The following MYO7B variants were observed in gnomAD, a reference collection of about 807,000 sequenced individuals.
MYO7B encodes the protein myosin VIIB, also known as unconventional myosin-VIIb.
Under a neutral mutation model 259.7 loss-of-function variants are expected in MYO7B, and 212 were observed. That is an observed-to-expected ratio of 0.82 (90% CI 0.73 to 0.91). The LOEUF (loss-of-function observed/expected upper bound fraction) is 0.91, where lower values mean the gene tolerates loss of function less well. MYO7B is among the 40% of genes least tolerant of loss of function. The probability of loss-of-function intolerance (pLI) is 0.00; values close to 1 mark genes in which losing one functional copy is unlikely to be tolerated. For missense variants in MYO7B, 2,732 were observed against 2,813.5 expected, an observed-to-expected ratio of 0.97 and a Z score of 0.66; for synonymous variants, 1,197 against 1,166.4, an observed-to-expected ratio of 1.03 and a Z score of -0.54.
intron 5 of MYO7B, among the ~76,000 whole-genome samples, chr2:127,568,699 C>A (rs1338634306): frequency 6.6e-6 from 1 of 151,984 alleles, no homozygotes; most frequent in Admixed American, 6.5e-5. Flanking sequence ...GAGTTCAAGA[C>A]CAGCCTGGCC....
At chr2:127,608,186 A>G (rs1020762655) in intron 21 of MYO7B, among the ~76,000 whole-genome samples, 2 of 152,244 alleles carry the variant, frequency 1.3e-5, no homozygotes, top group African/African-American at 4.8e-5. Flanking sequence ...AACTTGGTCT[A>G]CTAAGCACAC....
chr2:127,562,688 A>G (rs2104857484), intron 2 of MYO7B, among the ~76,000 whole-genome samples: 1 of 151,748 alleles, frequency 6.6e-6, no homozygotes, highest in Middle Eastern at 3.4e-3. Context: ...GGGTTTCACT[A>G]TGTTGGCCAG....
Position 127,608,696 on chromosome 2 carries a change from C to G in MYO7B, c.2644-12C>G, listed in dbSNP as rs753360312. On this transcript the variant is annotated splice_polypyrimidine_tract_variant and intron_variant, in intron 21 of 47. Coordinates refer to ENST00000409816, the MANE Select transcript of MYO7B (RefSeq NM_001393586.1). ...TGGGCCCCTGGGTAACCTTCCTCCA[C>G]GGGGTATGCAGGCGCCGCTGGTCAT... The G allele has an allele frequency of 6.2e-7, 1 of 1,604,378 alleles. No homozygotes were observed. Among genetic ancestry groups the G allele is most frequent in the African/African-American group, 1.3e-5 (1 of 74,772 alleles).
chr2:127,578,375 A>G (rs1206490401), intron 9 of MYO7B, 89 bp downstream of exon 9: 4 of 1,527,264 alleles, frequency 2.6e-6, no homozygotes, highest in Non-Finnish European at 3.6e-6. Context: ...TTCTCACAGG[A>G]AGGATCCTGT....
At chr2:127,626,048 C>T (rs1681092849) in intron 31 of MYO7B, 1 of 152,856 alleles carries the variant, frequency 6.5e-6, no homozygotes, top group Non-Finnish European at 1.5e-5. Context: ...TGAATAGTAC[C>T]CAGCCACTTT....
chr2:127,633,063 GCAC>G (rs1341805536), intron 39 of MYO7B, among the ~76,000 whole-genome samples, 192 bp from the exon 40 acceptor site: 1 of 152,254 alleles, frequency 6.6e-6, no homozygotes, highest in Non-Finnish European at 1.5e-5. Context: ...AGGCACAGCT[GCAC>G]CATCACTACC....
At chr2:127,538,795 C>A (rs1283720671) in intron 1 of MYO7B, among the ~76,000 whole-genome samples, 1 of 152,038 alleles carries the variant, frequency 6.6e-6, no homozygotes, top group African/African-American at 2.4e-5. Context: ...GAAATCCTGA[C>A]CTCATGTGAT....
In MYO7B at chr2:127,592,859, C is replaced by CCGCA; in HGVS notation, c.2059_2062dup (p.Lys688ThrfsTer43). ...CGGGCATGATGGAGACCGTGCACAT[C>CCGCA]CGCAAGTCGGGCTTCCCCATCCGCT... On this transcript the variant is annotated frameshift_variant, in exon 17 of 48. Coordinates refer to ENST00000409816, the MANE Select transcript of MYO7B (RefSeq NM_001393586.1). LOFTEE classifies it high-confidence loss of function. 2.5e-6 allele frequency: 4 copies of CCGCA among 1,610,444 alleles called. No individual in the cohort carries two copies. Among genetic ancestry groups the CCGCA allele is most frequent in the Non-Finnish European group, 3.4e-6 (4 of 1,178,934 alleles).
intron 18 of MYO7B, among the ~76,000 whole-genome samples, chr2:127,594,901 C>A (rs551767084): frequency 6.6e-6 from 1 of 152,106 alleles, no homozygotes; most frequent in Admixed American, 6.6e-5. Context: ...ATTTTTGCAT[C>A]GATGTTCATC....
At chr2:127,570,849 C>G (rs1395028130) in intron 6 of MYO7B, among the ~76,000 whole-genome samples, 1 of 151,736 alleles carries the variant, frequency 6.6e-6, no homozygotes, top group Non-Finnish European at 1.5e-5. Flanking sequence ...GAAGTAAAAT[C>G]ACAGGGTTTG....
intron 35 of MYO7B, 118 bp downstream of exon 35, chr2:127,629,944 G>A: frequency 8.8e-7 from 1 of 1,141,198 alleles, no homozygotes; most frequent in Non-Finnish European, 1.1e-6. Flanking sequence ...CAGAGGCCAG[G>A]AGGGCCACCC....
At position 127,586,033 on chromosome 2, in the gene MYO7B, G is replaced by A. The variant is rs184350542; in HGVS notation, c.1690+1120G>A. 2.0e-3 allele frequency among the ~76,000 whole-genome samples: 298 copies of A among 152,112 alleles called. 1 individual carries two copies. Among genetic ancestry groups the A allele is most frequent in the Non-Finnish European group, 3.1e-3 (212 of 67,988 alleles). ...TGGATTGTCTTTTCATCTGCTTGAC[G>A]GTGTCCTTTGAGGCCCAAAAAGCTT... On this transcript the variant is annotated intron_variant, in intron 14 of 47. Coordinates refer to ENST00000409816, the MANE Select transcript of MYO7B (RefSeq NM_001393586.1). This position sits in a 1 kb window ranked among gnomAD's most constrained non-coding sequence, Gnocchi z 4.8.
chr2:127,578,013 C>T (rs773677106), intron 8 of MYO7B, 120 bp from the exon 9 acceptor site: 73 of 1,154,248 alleles, frequency 6.3e-5, no homozygotes, highest in Admixed American at 6.1e-4. Flanking sequence ...AGTTTTTGAG[C>T]GTGGACCCTA....
rs1196658846 is a variant in MYO7B, at chr2:127,565,375, A to G, written c.275A>G (p.His92Arg). 1 of 1,613,904 alleles carries G rather than the reference A, an allele frequency of 6.2e-7. No individual in the cohort carries two copies. The highest frequency in any genetic ancestry group is 1.3e-5 in the African/African-American group (1 of 74,944). Residue 92 changes from histidine to arginine, a missense_variant, in exon 4 of 48, where the codon CAC (histidine) becomes CGC (arginine). This residue lies in a region of MYO7B where 1,906 missense variants were observed against 2,026.4 expected (regional missense o/e 0.94). Transcript: ENST00000409816. ...AACCTCCTGATCCGCTACCAGCAGC[A>G]CAAGATCTATGTGAGTCTCCCCAGC... The part of the protein sequence containing the change: ...VHNLLIRYQQ[H>R]KIYTYTGSIL...
chr2:127,618,486 C>T (rs1280700133), intron 26 of MYO7B, among the ~76,000 whole-genome samples: 1 of 152,114 alleles, frequency 6.6e-6, no homozygotes, highest in Non-Finnish European at 1.5e-5. Flanking sequence ...TCAGGTGTGC[C>T]CTGTAGATAA....
chr2:127,545,757 G>A (rs1693205104), intron 1 of MYO7B, among the ~76,000 whole-genome samples: 1 of 152,230 alleles, frequency 6.6e-6, no homozygotes, highest in Non-Finnish European at 1.5e-5. Flanking sequence ...AATGGAAGGG[G>A]CATTGTATGT....
chr2:127,621,572 A>G (rs1680840659), intron 27 of MYO7B, among the ~76,000 whole-genome samples: 1 of 152,114 alleles, frequency 6.6e-6, no homozygotes, highest in Non-Finnish European at 1.5e-5. Flanking sequence ...TGCACTTTTC[A>G]TTTACTGTCT....
chr2:127,619,378 G>A (rs1680736455), intron 26 of MYO7B, among the ~76,000 whole-genome samples: 1 of 137,552 alleles, frequency 7.3e-6, no homozygotes, highest in Non-Finnish European at 1.6e-5. Flanking sequence ...TGAGTAGTGG[G>A]TGCCGGCTGG....
At chr2:127,579,348 T>C (rs931477104) in intron 9 of MYO7B, among the ~76,000 whole-genome samples, 3 of 152,170 alleles carry the variant, frequency 2.0e-5, no homozygotes, top group African/African-American at 7.2e-5. Flanking sequence ...GGTGTCCATA[T>C]AGAAAACAAA....
Sources: gnomAD v4.1 joint callset for allele counts (sites outside exome capture counted in the v4.1 genomes callset) on GRCh38, gnomAD v4.1.1 for gene constraint, gnomAD v4.1.1 regional missense constraint, Gnocchi (gnomAD v3.1) non-coding constraint, MANE v1.5 for transcripts, NCBI Gene and HGNC (gene_info 2026-07-23, HGNC 2026-07-21) for gene names.